The following NCK2 variants were observed in gnomAD, a reference collection of about 807,000 sequenced individuals.
The protein encoded by NCK2 is NCK adaptor protein 2, also known as cytoplasmic protein NCK2.
A neutral mutation model predicts 33.9 loss-of-function variants in NCK2; 16 were observed. The observed-to-expected ratio is 0.47, with a 90% CI of 0.32 to 0.72. The LOEUF is 0.72. NCK2 is among the 30% of genes least tolerant of loss of function. The probability of loss-of-function intolerance (pLI) is 0.03; values close to 1 mark genes in which losing one functional copy is unlikely to be tolerated. For missense variants in NCK2, 418 were observed against 537.3 expected, an observed-to-expected ratio of 0.78 and a Z score of 2.19; for synonymous variants, 273 against 239.9, an observed-to-expected ratio of 1.14 and a Z score of -1.27.
chr2:105,843,749 C>T (rs900507696), intron 2 of NCK2, among the ~76,000 whole-genome samples: 5 of 152,158 alleles, frequency 3.3e-5, no homozygotes, highest in African/African-American at 7.2e-5. Flanking sequence ...TGATGGAATA[C>T]GTTAATTAGT....
At chr2:105,818,750 A>G (rs543311773) in intron 2 of NCK2, among the ~76,000 whole-genome samples, 1 of 152,334 alleles carries the variant, frequency 6.6e-6, no homozygotes, top group African/African-American at 2.4e-5. Flanking sequence ...TCTTGAAACT[A>G]TCATGTTGGA....
intron 1 of NCK2, among the ~76,000 whole-genome samples, chr2:105,814,016 G>A (rs957821129): frequency 2.0e-5 from 3 of 152,150 alleles, no homozygotes; most frequent in Non-Finnish European, 2.9e-5. Context: ...CTTTGGTGAG[G>A]GCCTTCTACA....
chr2:105,831,158 A>G (rs911880463), intron 2 of NCK2, among the ~76,000 whole-genome samples: 1 of 152,174 alleles, frequency 6.6e-6, no homozygotes, highest in Non-Finnish European at 1.5e-5. Context: ...GATATCTCAT[A>G]TTCATGGATT....
intron 3 of NCK2, among the ~76,000 whole-genome samples, chr2:105,860,200 T>G (rs2104598365): frequency 6.6e-6 from 1 of 152,252 alleles, no homozygotes; most frequent in Middle Eastern, 3.4e-3. Context: ...TTGGGAGGAC[T>G]GCTTGAGTCC....
At chr2:105,782,995 C>T (rs572703340) in intron 1 of NCK2, among the ~76,000 whole-genome samples, 3 of 152,126 alleles carry the variant, frequency 2.0e-5, no homozygotes, top group African/African-American at 4.8e-5. Flanking sequence ...CTGAGTTGGT[C>T]GACTATCATT....
At chr2:105,757,164 C>A (rs1211416488) in intron 1 of NCK2, among the ~76,000 whole-genome samples, 1 of 152,096 alleles carries the variant, frequency 6.6e-6, no homozygotes, top group African/African-American at 2.4e-5. Context: ...TTGATTCTTA[C>A]GAGGAATAGA....
chr2:105,761,653 G>A (rs556077654), intron 1 of NCK2, among the ~76,000 whole-genome samples: 1 of 152,318 alleles, frequency 6.6e-6, no homozygotes, highest in East Asian at 1.9e-4. Context: ...TCAGGTGGGA[G>A]GATTGCTTGA....
intron 4 of NCK2, among the ~76,000 whole-genome samples, chr2:105,891,362 G>C (rs1198558093): frequency 6.6e-6 from 1 of 151,136 alleles, no homozygotes; most frequent in Non-Finnish European, 1.5e-5. Flanking sequence ...CAGAGCATAT[G>C]TCCTGCATGC....
chr2:105,779,256 G>A (rs1294282602), intron 1 of NCK2, among the ~76,000 whole-genome samples: 3 of 143,918 alleles, frequency 2.1e-5, no homozygotes, highest in Non-Finnish European at 3.0e-5. Flanking sequence ...GCAGTGAGCC[G>A]AGATTGTGCC....
intron 2 of NCK2, among the ~76,000 whole-genome samples, chr2:105,853,636 T>C (rs544871349): frequency 5.9e-5 from 9 of 152,322 alleles, no homozygotes; most frequent in African/African-American, 1.7e-4. Flanking sequence ...AAAAAACTTA[T>C]TCATGACATT....
At chr2:105,874,186 G>A (rs1678147486) in intron 3 of NCK2, among the ~76,000 whole-genome samples, 2 of 152,182 alleles carry the variant, frequency 1.3e-5, no homozygotes, top group South Asian at 4.1e-4. Flanking sequence ...ATATTATGAT[G>A]ATAAATTTGT....
intron 2 of NCK2, among the ~76,000 whole-genome samples, chr2:105,832,063 T>A (rs970153490): frequency 6.6e-6 from 1 of 152,222 alleles, no homozygotes. Flanking sequence ...TAGTTTTTAA[T>A]GTAGACATCT....
At chr2:105,806,995 T>C (rs1468862255) in intron 1 of NCK2, among the ~76,000 whole-genome samples, 1 of 152,208 alleles carries the variant, frequency 6.6e-6, no homozygotes, top group South Asian at 2.1e-4. Flanking sequence ...CTGTAAGACA[T>C]CCTATCCCAC....
At chr2:105,777,992 C>G (rs1320168442) in intron 1 of NCK2, among the ~76,000 whole-genome samples, 1 of 152,192 alleles carries the variant, frequency 6.6e-6, no homozygotes, top group Non-Finnish European at 1.5e-5. Context: ...CTTTGTGAGT[C>G]TCTCCTAGCT....
chr2:105,834,377 C>A (rs1198418951), intron 2 of NCK2, among the ~76,000 whole-genome samples: 1 of 152,202 alleles, frequency 6.6e-6, no homozygotes, highest in African/African-American at 2.4e-5. Context: ...ACTCCTTTAT[C>A]ATTACGTAAT....
chr2:105,801,297 CG>C (rs1456325604), intron 1 of NCK2, among the ~76,000 whole-genome samples: 1 of 152,086 alleles, frequency 6.6e-6, no homozygotes, highest in Non-Finnish European at 1.5e-5. Flanking sequence ...CCTTGTTGGA[CG>C]TCATTGTAGG....
At chr2:105,876,895 A>G (rs1678256772) in intron 3 of NCK2, among the ~76,000 whole-genome samples, 2 of 152,082 alleles carry the variant, frequency 1.3e-5, no homozygotes, top group Non-Finnish European at 2.9e-5. Context: ...AGCCTGGACC[A>G]CTCAGGGACT....
intron 3 of NCK2, among the ~76,000 whole-genome samples, chr2:105,880,565 A>T (rs930009527): frequency 6.6e-6 from 1 of 152,156 alleles, no homozygotes; most frequent in Non-Finnish European, 1.5e-5. Flanking sequence ...AGGGCAGGTT[A>T]TACAGGCTGC....
At chr2:105,842,470 G>A (rs1676685512) in intron 2 of NCK2, among the ~76,000 whole-genome samples, 1 of 151,938 alleles carries the variant, frequency 6.6e-6, no homozygotes, top group Admixed American at 6.6e-5. Flanking sequence ...AATACTTAAT[G>A]AAAATATATA....
Sources: gnomAD v4.1 joint callset for allele counts (sites outside exome capture counted in the v4.1 genomes callset) on GRCh38, gnomAD v4.1.1 for gene constraint, MANE v1.5 for transcripts, NCBI Gene and HGNC (gene_info 2026-07-23, HGNC 2026-07-21) for gene names.